Variants in STK33 observed in about 807,000 individuals in gnomAD.
The protein encoded by STK33 is serine/threonine kinase 33, also known as serine/threonine-protein kinase 33.
Under a neutral mutation model 58.0 loss-of-function variants are expected in STK33, and 52 were observed. That is an observed-to-expected ratio of 0.90 (90% CI 0.72 to 1.13). STK33 has a LOEUF of 1.13. Among genes scored for constraint, STK33 ranks in the 50% most tolerant of loss-of-function variants. The pLI is 0.00. For missense variants in STK33, 630 were observed against 604.2 expected, an observed-to-expected ratio of 1.04 and a Z score of -0.45; for synonymous variants, 215 against 200.1, an observed-to-expected ratio of 1.07 and a Z score of -0.63.
At chr11:8,526,701 T>C (rs1252064167) in intron 1 of STK33, among the ~76,000 whole-genome samples, 2 of 151,850 alleles carry the variant, frequency 1.3e-5, no homozygotes, top group African/African-American at 2.4e-5. Context: ...ATCAAAATTA[T>C]CAAATACCTA....
In STK33 at chr11:8,413,548, A is replaced by C; in HGVS notation, c.1291T>G (p.Trp431Gly). 6.2e-7 allele frequency: 1 copy of C among 1,614,046 alleles called. No homozygotes were observed. The change falls in exon 15 of 16, where the codon TGG (tryptophan) becomes GGG (glycine). Residue 431 changes from tryptophan to glycine, a missense_variant. Trp to Gly is a radical substitution (Grantham distance 184, BLOSUM62 -2). Transcript: ENST00000687296. ...TEEKLKSYQP[W>G]GNVPDANYTS... ...TAATTGGCATCAGGGACATTTCCCC[A>C]GGGTTGGTAACTTTTCAACTTTTCT...
At chr11:8,522,390 C>T (rs983538556) in intron 1 of STK33, among the ~76,000 whole-genome samples, 7 of 151,864 alleles carry the variant, frequency 4.6e-5, no homozygotes, top group Non-Finnish European at 7.4e-5. Flanking sequence ...AACCAAACAC[C>T]GCATGTTCTC....
In STK33 at chr11:8,540,989, TC is replaced by T. The variant is rs1398216495; in HGVS notation, c.-466+53093del. Among the ~76,000 whole-genome samples the T allele has an allele frequency of 5.0e-5, 7 of 138,720 alleles. No homozygotes were observed. The East Asian group carries it at 1.4e-3, about 28-fold the overall frequency. 91.0% of individuals were successfully genotyped at this position (138,720 alleles called of 152,430 possible). A position where few individuals can be genotyped will look rare whatever the true frequency, so the allele number is the denominator to read the frequency against. On this transcript the variant is annotated intron_variant, in intron 1 of 15. Transcript: ENST00000687296. ...CTATCTCTCTCTCTCTCTCTCTCTC[TC>T]TCTCTATATATATATATATATATCT...
chr11:8,413,748 AC>A, intron 14 of STK33, 56 bp from the exon 15 acceptor site: 1 of 1,471,042 alleles, frequency 6.8e-7, no homozygotes, highest in Non-Finnish European at 9.4e-7. Context: ...TTGAGACGAT[AC>A]CTACATCATT....
chr11:8,456,122 A>G (rs1946831863), intron 9 of STK33, among the ~76,000 whole-genome samples: 1 of 152,230 alleles, frequency 6.6e-6, no homozygotes, highest in South Asian at 2.1e-4. Context: ...AAGTTCCATG[A>G]AAAATGTTGC....
chr11:8,487,967 C>A (rs143028726), intron 1 of STK33, among the ~76,000 whole-genome samples: 12 of 152,308 alleles, frequency 7.9e-5, no homozygotes, highest in African/African-American at 2.9e-4. Flanking sequence ...ATCTCTGACT[C>A]CCTTATCTCC....
At chr11:8,524,566 T>C (rs1350139476) in intron 1 of STK33, among the ~76,000 whole-genome samples, 1 of 152,152 alleles carries the variant, frequency 6.6e-6, no homozygotes, top group Non-Finnish European at 1.5e-5. Flanking sequence ...AAAACCATGA[T>C]GAACTATCTT....
chr11:8,538,768 T>C (rs895948905), intron 1 of STK33, among the ~76,000 whole-genome samples: 2 of 152,162 alleles, frequency 1.3e-5, no homozygotes, highest in Non-Finnish European at 2.9e-5. Flanking sequence ...CATATGCATG[T>C]CTCTAAAGAA....
chr11:8,538,728 G>A (rs574169426), intron 1 of STK33, among the ~76,000 whole-genome samples: 18 of 152,294 alleles, frequency 1.2e-4, no homozygotes, highest in African/African-American at 4.3e-4. Context: ...AGTGCTCAAC[G>A]AATGCTTGTT....
At chr11:8,517,497 T>G (rs2139678881) in intron 1 of STK33, among the ~76,000 whole-genome samples, 1 of 152,266 alleles carries the variant, frequency 6.6e-6, no homozygotes, top group Middle Eastern at 3.4e-3. Context: ...CTTTGACAAG[T>G]TGAGAGAAGA....
chr11:8,350,693 C>T, the STK33 span, among the ~76,000 whole-genome samples: 1 of 152,148 alleles, frequency 6.6e-6, no homozygotes, highest in African/African-American at 2.4e-5. Context: ...GCCAGCCCAT[C>T]ACAGAGGAAC....
At chr11:8,420,193 A>G (rs932079044) in intron 14 of STK33, among the ~76,000 whole-genome samples, 1 of 152,166 alleles carries the variant, frequency 6.6e-6, no homozygotes, top group African/African-American at 2.4e-5. Flanking sequence ...TAGATACCCA[A>G]AGAGGACTGA....
intron 1 of STK33, among the ~76,000 whole-genome samples, chr11:8,498,273 C>A (rs1283089754): frequency 1.3e-5 from 2 of 151,990 alleles, no homozygotes; most frequent in African/African-American, 4.8e-5. Flanking sequence ...ATTAAAAACC[C>A]AAGCATTCCT....
intron 2 of STK33, among the ~76,000 whole-genome samples, chr11:8,480,092 G>A (rs1204252977): frequency 6.6e-6 from 1 of 152,192 alleles, no homozygotes; most frequent in African/African-American, 2.4e-5. Flanking sequence ...TCACATTTCT[G>A]AAGAGGATTA....
chr11:8,390,346 G>A (rs1463658200), downstream of STK33, among the ~76,000 whole-genome samples: 1 of 152,222 alleles, frequency 6.6e-6, no homozygotes, highest in Non-Finnish European at 1.5e-5. Flanking sequence ...AGCACAGGAG[G>A]TGTCACAGTG....
intron 15 of STK33, among the ~76,000 whole-genome samples, chr11:8,412,136 A>G (rs79120107): frequency 0.068 from 10,316 of 152,286 alleles, 577 homozygotes; most frequent in East Asian, 0.27. Flanking sequence ...ATGTGTAAGA[A>G]TATGTGAGTA....
At chr11:8,578,618 A>C (rs1310929089) in intron 1 of STK33, among the ~76,000 whole-genome samples, 1 of 151,924 alleles carries the variant, frequency 6.6e-6, no homozygotes, top group Admixed American at 6.6e-5. Flanking sequence ...ACACACACAC[A>C]CACATCTCTG....
At chr11:8,573,273 C>A (rs1177366417) in intron 1 of STK33, among the ~76,000 whole-genome samples, 2 of 151,992 alleles carry the variant, frequency 1.3e-5, no homozygotes, top group Non-Finnish European at 2.9e-5. Flanking sequence ...AGAAGATGGG[C>A]AAAATACATG....
intron 10 of STK33, among the ~76,000 whole-genome samples, chr11:8,453,611 G>A (rs1463570616): frequency 6.6e-6 from 1 of 152,190 alleles, no homozygotes; most frequent in African/African-American, 2.4e-5. Context: ...TAAACATTTA[G>A]TTATTAAATA....
Sources: allele counts gnomAD v4.1 joint callset (sites outside exome capture counted in the v4.1 genomes callset), GRCh38; gene constraint gnomAD v4.1.1; transcripts MANE v1.5; gene names NCBI Gene and HGNC (gene_info 2026-07-23, HGNC 2026-07-21).